Variants in MOV10 observed in about 807,000 individuals in gnomAD.
MOV10 encodes the protein RNA helicase MOV-10.
Under a neutral mutation model 108.4 loss-of-function variants are expected in MOV10, and 39 were observed. That is an observed-to-expected ratio of 0.36 (90% CI 0.28 to 0.47). The LOEUF is 0.47. MOV10 is among the 20% of genes least tolerant of loss of function. MOV10 has a pLI of 1.00. For missense variants in MOV10, 952 were observed against 1,297.6 expected (o/e 0.73, Z 4.09); for synonymous variants, 490 against 523.1 (o/e 0.94, Z 0.86).
chr1:112,680,219 G>A (rs576862508), intron 2 of MOV10, among the ~76,000 whole-genome samples: 1 of 152,076 alleles, frequency 6.6e-6, no homozygotes, highest in South Asian at 2.1e-4. Context: ...TCTCATTATT[G>A]TGTTTTATAT....
At chr1:112,698,669 A>G in intron 16 of MOV10, 46 bp from the exon 17 acceptor site, 1 of 1,582,456 alleles carries the variant, frequency 6.3e-7, no homozygotes, top group South Asian at 1.1e-5. Context: ...TCCCTCTTGC[A>G]TTAGGTTAAT....
Position 112,694,683 on chromosome 1 carries a change from G to T in MOV10, c.1472+54G>T. On this transcript the variant is annotated intron_variant, in intron 9 of 20. Coordinates refer to ENST00000369645, the MANE Select transcript of MOV10 (RefSeq NM_001321324.2). This position sits in a 1 kb window ranked among gnomAD's most constrained non-coding sequence, Gnocchi z 4.1. ...GCCACTTGGAGTGTGGGCACAGGGG[G>T]TGGAGTCAGGGAGGCCTCTGGGTCA... 1 of 1,594,634 alleles carries T rather than the reference G, an allele frequency of 6.3e-7. No individual in the cohort carries two copies. The highest frequency in any genetic ancestry group is 8.6e-7 in the Non-Finnish European group (1 of 1,168,060).
At chr1:112,691,989 A>T (rs895757484) in intron 6 of MOV10, among the ~76,000 whole-genome samples, 190 bp downstream of exon 6, 1 of 152,174 alleles carries the variant, frequency 6.6e-6, no homozygotes, top group African/African-American at 2.4e-5. Flanking sequence ...TTAATGGGGG[A>T]CAATGAGCAT....
Position 112,696,488 on chromosome 1 carries a change from T to C in MOV10, c.1935T>C (p.Asp645=), listed in dbSNP as rs776340659. 9.3e-6 allele frequency: 15 copies of C among 1,613,924 alleles called. No homozygotes were observed. The highest frequency in any genetic ancestry group is 1.3e-5 in the Non-Finnish European group (15 of 1,179,924). ...ATCACTTCACACACATCTTCATCGATGAGGCTGGCCACTGCATGGAGCCTG... is the reference window on the plus strand; with the variant it reads ...ATCACTTCACACACATCTTCATCGACGAGGCTGGCCACTGCATGGAGCCTG... ...PIDHFTHIFI[D]EAGHCMEPES... is the part of the protein sequence containing the mutation. Residue 645 remains aspartate, a synonymous_variant, in exon 13 of 21, where the codon GAT becomes GAC. Coordinates refer to ENST00000369645, the MANE Select transcript of MOV10 (RefSeq NM_001321324.2).
chr1:112,687,499 T>C (rs1487679250), intron 2 of MOV10, among the ~76,000 whole-genome samples: 1 of 152,236 alleles, frequency 6.6e-6, no homozygotes, highest in African/African-American at 2.4e-5. Flanking sequence ...CCCTGAAGTA[T>C]GTGGCACGTG....
chr1:112,695,503 C>T lies in MOV10; in HGVS notation c.1708C>T (p.His570Tyr), dbSNP rs374544225. ...CCTACTCTGTCAAAGGCTCCGGGTC[C>T]ACCTTCCTAGCTCCATCTACCGCCT... ...ADLLCQRLRV[H>Y]LPSSIYRLLA... Residue 570 changes from histidine to tyrosine, a missense_variant, in exon 11 of 21, where the codon CAC becomes TAC. Around this residue, in one of 5 missense-constraint regions of MOV10, gnomAD observed 453 missense variants for 611.5 expected, o/e 0.74. Transcript: ENST00000369645. 6.2e-7 allele frequency: 1 copy of T among 1,614,222 alleles called. No individual in the cohort carries two copies. The highest frequency in any genetic ancestry group is 1.3e-5 in the African/African-American group (1 of 75,070).
chr1:112,689,159 G>T, intron 3 of MOV10, 21 bp downstream of exon 3: 1 of 1,572,536 alleles, frequency 6.4e-7, no homozygotes, highest in Non-Finnish European at 8.6e-7. Context: ...GTTGTATGTT[G>T]TGTGTACGGG....
intron 2 of MOV10, among the ~76,000 whole-genome samples, chr1:112,685,369 G>T (rs566160904): frequency 3.9e-5 from 6 of 151,910 alleles, no homozygotes; most frequent in Admixed American, 3.3e-4. Context: ...AAATATAGGG[G>T]ATTACGGCCG....
chr1:112,679,837 C>T (rs567198568), intron 2 of MOV10, among the ~76,000 whole-genome samples: 1 of 152,208 alleles, frequency 6.6e-6, no homozygotes, highest in South Asian at 2.1e-4. Context: ...GGGAAAAGGG[C>T]ATTTTCTAAC....
At chr1:112,696,008 C>T in intron 11 of MOV10, 140 bp from the exon 12 acceptor site, 2 of 680,998 alleles carry the variant, frequency 2.9e-6, no homozygotes, top group Non-Finnish European at 5.1e-6. Context: ...CACCATGGCA[C>T]TCCAGCCTGG....
chr1:112,688,292 C>T, intron 2 of MOV10: 1 of 960,382 alleles, frequency 1.0e-6, no homozygotes, highest in South Asian at 4.8e-5. Flanking sequence ...GGTTATTGTC[C>T]TTCTGACCAG....
At position 112,700,704 on chromosome 1, in the gene MOV10, G is replaced by T. The variant is rs760600408; in HGVS notation, c.*197G>T. On this transcript the variant is annotated 3_prime_UTR_variant, in exon 21 of 21. Coordinates refer to ENST00000369645, the MANE Select transcript of MOV10 (RefSeq NM_001321324.2). ...TAACAATTGGGGGAAGGGGAAGGAA[G>T]AAAACTCTGAAAACAAAATCTTGTT... 9 of 1,520,494 alleles carry T rather than the reference G, an allele frequency of 5.9e-6. No homozygotes were observed. The South Asian group carries it at 6.2e-5, about 10-fold the overall frequency. 94.2% of individuals were successfully genotyped at this position (1,520,494 alleles called of 1,614,324 possible).
chr1:112,676,720 A>G (rs1672226203), intron 2 of MOV10, among the ~76,000 whole-genome samples: 1 of 152,214 alleles, frequency 6.6e-6, no homozygotes, highest in Non-Finnish European at 1.5e-5. Context: ...GAGGAACTTG[A>G]TCAGATATCA....
intron 17 of MOV10, chr1:112,699,377 C>CTT (rs1234516066): frequency 1.1e-4 from 102 of 928,758 alleles, no homozygotes; most frequent in Non-Finnish European, 1.4e-4. Flanking sequence ...TTAACAGATA[C>CTT]TTAGTGATTG....
At chr1:112,693,688 A>AG (rs1673802569) in intron 7 of MOV10, 1 of 97,532 alleles carries the variant, frequency 1.0e-5, no homozygotes, top group East Asian at 3.2e-4. Flanking sequence ...TTTTTTTTTT[A>AG]ATTATTTTTT....
In MOV10 at chr1:112,700,225, G is replaced by A; in HGVS notation, c.2805G>A (p.Leu935=). 2 of 1,613,990 alleles carry A rather than the reference G, an allele frequency of 1.2e-6. No homozygotes were observed. Among genetic ancestry groups the A allele is most frequent in the Non-Finnish European group, 1.7e-6 (2 of 1,179,892 alleles). Residue 935 remains leucine, a synonymous_variant, in exon 20 of 21, where the codon CTG becomes CTA. Coordinates refer to ENST00000369645, the MANE Select transcript of MOV10 (RefSeq NM_001321324.2). ...ACTCCTCTGTACCCCACAGATTCCT[G>A]GAGTTCTGTAAAGAAAACGGAGGGT... The part of the protein sequence containing the change: ...LGHDPDWKVF[L]EFCKENGGYT...
rs376981877 is a variant in MOV10 at position 112,694,422 on chromosome 1, A to G, written c.1296-31A>G. Reference sequence around the variant, plus strand: ...TTTATTGCCCACCTCCCCTGCCCCAACAAACTCTTACCACCTCTCTCTGCC... The same window carrying G: ...TTTATTGCCCACCTCCCCTGCCCCAGCAAACTCTTACCACCTCTCTCTGCC... On this transcript the variant is annotated intron_variant, in intron 8 of 20. Transcript: ENST00000369645. This position sits in a 1 kb window ranked among gnomAD's most constrained non-coding sequence, Gnocchi z 4.1. 41 of 1,613,222 alleles carry G rather than the reference A, an allele frequency of 2.5e-5. No homozygotes were observed. Among genetic ancestry groups the G allele is most frequent in the African/African-American group, 9.3e-5 (7 of 74,872 alleles).
In MOV10 at chr1:112,689,933, C is replaced by T. The variant is rs369273991; in HGVS notation, c.671C>T (p.Ser224Leu). 21 of 1,614,054 alleles carry T rather than the reference C, an allele frequency of 1.3e-5. No homozygotes were observed. Among genetic ancestry groups the T allele is most frequent in the East Asian group, 6.7e-5 (3 of 44,898 alleles). Residue 224 changes from serine to leucine, a missense_variant, in exon 5 of 21, where the codon TCG (serine) becomes TTG (leucine). Physicochemically the swap from Ser to Leu is moderately radical, Grantham distance 145 (BLOSUM62 -2). Around this residue, in one of 5 missense-constraint regions of MOV10, gnomAD observed 374 missense variants for 468.6 expected, o/e 0.80. Coordinates refer to ENST00000369645, the MANE Select transcript of MOV10 (RefSeq NM_001321324.2). ...TGGGAGCTGCTGGGACCTGGGGAGTCGGGTTCAGAAGGAGCCGGCACATTC... is the reference window on the plus strand; with the variant it reads ...TGGGAGCTGCTGGGACCTGGGGAGTTGGGTTCAGAAGGAGCCGGCACATTC... The part of the protein sequence containing the change: ...VLWELLGPGE[S>L]GSEGAGTFYI...
At chr1:112,685,682 A>AAAATAAAAT (rs1673021947) in intron 2 of MOV10, among the ~76,000 whole-genome samples, 1 of 151,068 alleles carries the variant, frequency 6.6e-6, no homozygotes, top group Admixed American at 6.6e-5. Context: ...AAAATAAAAT[A>AAAATAAAAT]AAATATAAAA....
Sources: gnomAD v4.1 joint callset for allele counts (sites outside exome capture counted in the v4.1 genomes callset) on GRCh38, gnomAD v4.1.1 for gene constraint, gnomAD v4.1.1 regional missense constraint, Gnocchi (gnomAD v3.1) non-coding constraint, MANE v1.5 for transcripts, NCBI Gene and HGNC (gene_info 2026-07-23, HGNC 2026-07-21) for gene names.